Variants in DNAI4 observed in about 807,000 individuals in gnomAD.
DNAI4 encodes dynein axonemal intermediate chain 4.
DNAI4 carries 85 observed loss-of-function variants against 105.8 expected under a neutral mutation model. The observed-to-expected ratio is 0.80, with a 90% CI of 0.67 to 0.96. DNAI4 has a LOEUF of 0.96. Ranked by LOEUF, DNAI4 falls within the 40% of genes least tolerant of loss-of-function variation. DNAI4 has a pLI of 0.00. For synonymous variants in DNAI4, 352 were observed against 331.5 expected (o/e 1.06, Z -0.67); for missense variants, 1,014 against 1,005.6 (o/e 1.01, Z -0.11).
At chr1:66,829,899 T>C (rs1645831194) in intron 13 of DNAI4, among the ~76,000 whole-genome samples, 1 of 152,156 alleles carries the variant, frequency 6.6e-6, no homozygotes, top group Admixed American at 6.5e-5. Context: ...AATTAGAAAT[T>C]GGTAACAGAA....
In DNAI4 at chr1:66,814,105, C is replaced by A. The variant is rs1226299227; in HGVS notation, c.*25G>T. ...GTTAATTCCTTTTTTAAAACAACTA[C>A]AAGAAAAATATTAGGAATGATGAAT... On this transcript the variant is annotated 3_prime_UTR_variant, in exon 17 of 17. Coordinates refer to ENST00000371026, the MANE Select transcript of DNAI4 (RefSeq NM_024763.5). The A allele has an allele frequency of 3.2e-6, 5 of 1,570,244 alleles. No individual in the cohort carries two copies. In the African/African-American group the frequency reaches 5.5e-5, roughly 17 times the overall value.
chr1:66,895,088 A>G (rs1648198969), intron 2 of DNAI4, among the ~76,000 whole-genome samples: 1 of 152,196 alleles, frequency 6.6e-6, no homozygotes, highest in South Asian at 2.1e-4. Flanking sequence ...ATAAACTTTT[A>G]TAGTTTTAAA....
chr1:66,907,147 T>C (rs1649317524), intron 1 of DNAI4: 1 of 152,236 alleles, frequency 6.6e-6, no homozygotes, highest in Non-Finnish European at 1.5e-5. Context: ...TCAGTAATAC[T>C]GCCTACTACA....
chr1:66,855,158 A>C (rs2100568311), intron 7 of DNAI4, among the ~76,000 whole-genome samples: 1 of 152,324 alleles, frequency 6.6e-6, no homozygotes, highest in East Asian at 1.9e-4. Context: ...GCTACCAGAC[A>C]AGTAGGAATA....
At chr1:66,825,511 T>G (rs1031725408) in intron 15 of DNAI4, among the ~76,000 whole-genome samples, 3 of 152,204 alleles carry the variant, frequency 2.0e-5, no homozygotes, top group Non-Finnish European at 4.4e-5. Context: ...AATAATGTTT[T>G]TATCCAAATG....
intron 2 of DNAI4, among the ~76,000 whole-genome samples, chr1:66,902,287 T>C (rs2100818978): frequency 6.6e-6 from 1 of 152,242 alleles, no homozygotes; most frequent in East Asian, 1.9e-4. Context: ...CTTACTGTGA[T>C]TTTGATTTGC....
chr1:66,897,317 A>G (rs930503766), intron 2 of DNAI4, among the ~76,000 whole-genome samples: 2 of 152,208 alleles, frequency 1.3e-5, no homozygotes, highest in East Asian at 1.9e-4. Flanking sequence ...GCTTGCTTAC[A>G]GTGAGATTTG....
At chr1:66,914,799 A>G (rs1320888423) in intron 1 of DNAI4, among the ~76,000 whole-genome samples, 1 of 152,216 alleles carries the variant, frequency 6.6e-6, no homozygotes, top group East Asian at 1.9e-4. Flanking sequence ...TTGTGTACAC[A>G]ATGTTTCACT....
At chr1:66,869,223 T>C (rs972868934) in intron 6 of DNAI4, among the ~76,000 whole-genome samples, 1 of 151,824 alleles carries the variant, frequency 6.6e-6, no homozygotes, top group Non-Finnish European at 1.5e-5. Flanking sequence ...ACCTCTAAAG[T>C]AATTTGACCT....
intron 13 of DNAI4, among the ~76,000 whole-genome samples, chr1:66,828,869 T>C (rs1645808378): frequency 6.6e-6 from 1 of 152,212 alleles, no homozygotes. Context: ...AGGATAGAAA[T>C]CGAATTCCTT....
chr1:66,827,699 T>C, intron 14 of DNAI4, 113 bp downstream of exon 14: 1 of 502,628 alleles, frequency 2.0e-6, no homozygotes. Context: ...TTCAAGATGG[T>C]ATTTTTAACT....
chr1:66,861,551 A>G (rs746858043), intron 7 of DNAI4, among the ~76,000 whole-genome samples: 16 of 152,234 alleles, frequency 1.1e-4, no homozygotes, highest in Admixed American at 5.9e-4. Flanking sequence ...TCATCTTAAA[A>G]ATTAAAATAC....
chr1:66,911,239 C>A (rs1649637205), intron 1 of DNAI4, among the ~76,000 whole-genome samples: 1 of 152,156 alleles, frequency 6.6e-6, no homozygotes, highest in Non-Finnish European at 1.5e-5. Context: ...AAGTATATTA[C>A]AATGGATACA....
At chr1:66,882,274 A>G (rs1386870974) in intron 4 of DNAI4, among the ~76,000 whole-genome samples, 12 of 152,214 alleles carry the variant, frequency 7.9e-5, no homozygotes, top group Non-Finnish European at 1.2e-4. Context: ...GGTTTGTCTT[A>G]TCATTCACTT....
Position 66,818,732 on chromosome 1 carries a change from G to A in DNAI4, c.2496+3629C>T, listed in dbSNP as rs549401180. ...TCAGGAGTTCGAGACCAGCCATGGC[G>A]AAACCCTGTCTCTACTAAAAAAGTA... On this transcript the variant is annotated intron_variant, in intron 16 of 16. Transcript: ENST00000371026. 2.6e-5 allele frequency among the ~76,000 whole-genome samples: 4 copies of A among 152,124 alleles called. No individual in the cohort carries two copies. The South Asian group carries it at 6.2e-4, about 24-fold the overall frequency.
At chr1:66,918,211 A>G (rs999391453) in intron 1 of DNAI4, among the ~76,000 whole-genome samples, 1 of 152,218 alleles carries the variant, frequency 6.6e-6, no homozygotes, top group South Asian at 2.1e-4. Context: ...AATAAAGCAA[A>G]CCAGTCGTAC....
intron 1 of DNAI4, among the ~76,000 whole-genome samples, chr1:66,923,214 C>T (rs556394605): frequency 1.5e-4 from 23 of 152,316 alleles, no homozygotes; most frequent in Admixed American, 2.6e-4. Flanking sequence ...AATGCATTTT[C>T]ATCATTATGC....
chr1:66,845,216 T>TTAAAAAAAAAAAAAAAAAAAAAAAAAAA (rs1646251291), intron 8 of DNAI4, among the ~76,000 whole-genome samples: 1 of 21,110 alleles, frequency 4.7e-5, no homozygotes, highest in African/African-American at 1.6e-4. Context: ...AAAAGAAAAA[T>TTAAAAAAAAAAAAAAAAAAAAAAAAAAA]TAAAAAAAAA....
At chr1:66,917,799 G>C (rs138395696) in intron 1 of DNAI4, among the ~76,000 whole-genome samples, 1 of 152,146 alleles carries the variant, frequency 6.6e-6, no homozygotes, top group Non-Finnish European at 1.5e-5. Flanking sequence ...GTTTTAATTC[G>C]TAACAGGATA....
Sources: gnomAD v4.1 joint callset for allele counts (sites outside exome capture counted in the v4.1 genomes callset) on GRCh38, gnomAD v4.1.1 for gene constraint, MANE v1.5 for transcripts, NCBI Gene and HGNC (gene_info 2026-07-23, HGNC 2026-07-21) for gene names.